Variants in PTPRN2 observed in about 807,000 individuals in gnomAD.
PTPRN2 encodes receptor-type tyrosine-protein phosphatase N2.
A neutral mutation model predicts 118.8 loss-of-function variants in PTPRN2; 74 were observed. The ratio of observed to expected loss-of-function variants is 0.62; its 90% CI spans 0.52 to 0.76. PTPRN2 has a LOEUF of 0.76. PTPRN2 is among the 30% of genes least tolerant of loss of function. The pLI is 0.00. For synonymous variants in PTPRN2, 641 were observed against 608.0 expected (o/e 1.05, Z -0.80); for missense variants, 1,481 against 1,394.4 (o/e 1.06, Z -0.99).
chr7:157,997,929 G>A (rs1357137369), intron 11 of PTPRN2, among the ~76,000 whole-genome samples: 1 of 74,994 alleles, frequency 1.3e-5, no homozygotes, highest in African/African-American at 5.6e-5. Context: ...GGGGAGAGGA[G>A]TGCAGGGGAG....
chr7:157,544,041 G>A (rs1442900461), intron 22 of PTPRN2, among the ~76,000 whole-genome samples: 2 of 151,528 alleles, frequency 1.3e-5, no homozygotes, highest in Admixed American at 6.6e-5. Flanking sequence ...GGAGAGAGAC[G>A]GAGAGAGGTG....
At chr7:158,085,400 C>T (rs1222451934) in intron 10 of PTPRN2, among the ~76,000 whole-genome samples, 4 of 17,322 alleles carry the variant, frequency 2.3e-4, no homozygotes, top group Non-Finnish European at 7.1e-4. Context: ...ACACCCACGA[C>T]GCCCATCCAC....
chr7:158,172,939 TCCA>T (rs1277626598), intron 5 of PTPRN2, among the ~76,000 whole-genome samples: 3 of 144,138 alleles, frequency 2.1e-5, no homozygotes, highest in Admixed American at 1.4e-4. Context: ...CATCATCACT[TCCA>T]CCATCAACAG....
chr7:157,972,910 G>A (rs4716857), intron 11 of PTPRN2, among the ~76,000 whole-genome samples: 83,241 of 144,402 alleles, frequency 0.58, 23,686 homozygotes, highest in East Asian at 0.66. Flanking sequence ...ACTCCACACC[G>A]TGAGAACAGG....
chr7:158,070,921 TGGAGGTGCTCCTGGTGGTGGAGGTGCCC>T (rs1811326683), intron 11 of PTPRN2, among the ~76,000 whole-genome samples: 1 of 123,592 alleles, frequency 8.1e-6, no homozygotes. Flanking sequence ...CCCATGGTGC[TGGAGGTGCTCCTGGTGGTGGAGGTGCCC>T]GTGGTGGTGG....
intron 2 of PTPRN2, among the ~76,000 whole-genome samples, chr7:158,397,967 G>A (rs577389255): frequency 3.3e-5 from 5 of 152,246 alleles, no homozygotes; most frequent in East Asian, 1.9e-4. Flanking sequence ...CCGGAGGGAC[G>A]GCCACTGAGG....
intron 3 of PTPRN2, among the ~76,000 whole-genome samples, chr7:158,298,299 G>A (rs1374974447): frequency 6.6e-6 from 1 of 151,988 alleles, no homozygotes; most frequent in Admixed American, 6.6e-5. Context: ...TTCTTATTAT[G>A]AAACGTTTCA....
At chr7:158,443,134 G>T (rs1274175948) in intron 2 of PTPRN2, among the ~76,000 whole-genome samples, 8 of 151,734 alleles carry the variant, frequency 5.3e-5, no homozygotes. Context: ...CATTGCAAAT[G>T]TCTTGTTCCC....
chr7:157,870,042 C>T (rs1810956781), intron 12 of PTPRN2, among the ~76,000 whole-genome samples: 1 of 152,156 alleles, frequency 6.6e-6, no homozygotes, highest in Non-Finnish European at 1.5e-5. Context: ...GTTTCCTCTC[C>T]TGTTGCAATT....
rs557802679 is a variant in PTPRN2 at position 158,183,463 on chromosome 7, C to A, written c.549+8864G>T. 7.2e-5 allele frequency among the ~76,000 whole-genome samples: 11 copies of A among 152,298 alleles called. 1 individual carries two copies. The highest frequency in any genetic ancestry group is 2.4e-4 in the African/African-American group (10 of 41,568). Reference sequence around the variant, plus strand: ...TTATGGCCAAGGGAGTTTGTCCCCACTCAAGATTAGATTGCAAATTTCAGT... The same window carrying A: ...TTATGGCCAAGGGAGTTTGTCCCCAATCAAGATTAGATTGCAAATTTCAGT... On this transcript the variant is annotated intron_variant, in intron 5 of 22. Coordinates refer to ENST00000389418, the MANE Select transcript of PTPRN2 (RefSeq NM_002847.5).
chr7:157,793,910 C>T (rs557622293), intron 12 of PTPRN2, among the ~76,000 whole-genome samples: 31 of 152,264 alleles, frequency 2.0e-4, no homozygotes, highest in African/African-American at 5.3e-4. Flanking sequence ...CTGCCTCCCT[C>T]GGCCCCCTCT....
chr7:157,547,873 G>A (rs1235707308), intron 22 of PTPRN2, among the ~76,000 whole-genome samples: 2 of 152,332 alleles, frequency 1.3e-5, no homozygotes, highest in Admixed American at 6.5e-5. Flanking sequence ...GAAGCGTCCC[G>A]GACAGCAGAG....
At chr7:157,883,329 C>A (rs193056929) in intron 12 of PTPRN2, among the ~76,000 whole-genome samples, 102 of 151,338 alleles carry the variant, frequency 6.7e-4, no homozygotes, top group Admixed American at 2.2e-3. Flanking sequence ...GAACACACCA[C>A]CCCAAAATGA....
At chr7:157,653,533 G>A (rs1805818456) in intron 14 of PTPRN2, among the ~76,000 whole-genome samples, 1 of 152,136 alleles carries the variant, frequency 6.6e-6, no homozygotes, top group Non-Finnish European at 1.5e-5. Context: ...CCCGAGATTG[G>A]CTGTAGCTTC....
intron 12 of PTPRN2, among the ~76,000 whole-genome samples, chr7:157,714,443 G>T (rs1269029872): frequency 6.6e-6 from 1 of 152,152 alleles, no homozygotes; most frequent in Non-Finnish European, 1.5e-5. Context: ...CAGAATTGAG[G>T]GATGTCTCCA....
chr7:158,149,589 G>T (rs779288005), intron 6 of PTPRN2, among the ~76,000 whole-genome samples: 8 of 152,078 alleles, frequency 5.3e-5, no homozygotes, highest in African/African-American at 1.4e-4. Context: ...GATCACCTGA[G>T]GTCAGGAGTT....
intron 12 of PTPRN2, among the ~76,000 whole-genome samples, chr7:157,807,040 GC>G (rs1805678299): frequency 6.6e-6 from 1 of 152,210 alleles, no homozygotes; most frequent in South Asian, 2.1e-4. Context: ...CCCAGACTGG[GC>G]CCTCAGTTCT....
At chr7:158,122,877 C>A (rs1178054071) in intron 9 of PTPRN2, among the ~76,000 whole-genome samples, 2 of 152,182 alleles carry the variant, frequency 1.3e-5, no homozygotes, top group African/African-American at 4.8e-5. Context: ...AGGAAGCCTG[C>A]ATAAAACTTC....
intron 15 of PTPRN2, among the ~76,000 whole-genome samples, chr7:157,607,952 G>A (rs1473857712): frequency 6.6e-6 from 1 of 152,130 alleles, no homozygotes; most frequent in Non-Finnish European, 1.5e-5. Flanking sequence ...TTCCCCCGAG[G>A]TCACCCTTTA....
Sources: allele counts gnomAD v4.1 joint callset (sites outside exome capture counted in the v4.1 genomes callset), GRCh38; gene constraint gnomAD v4.1.1; transcripts MANE v1.5; gene names NCBI Gene and HGNC (gene_info 2026-07-23, HGNC 2026-07-21).